Variants in ADAMTS16 observed in about 807,000 individuals in gnomAD.
ADAMTS16 encodes A disintegrin and metalloproteinase with thrombospondin motifs 16.
ADAMTS16 carries 94 observed loss-of-function variants against 145.8 expected under a neutral mutation model. The observed-to-expected ratio is 0.64, with a 90% CI of 0.55 to 0.77. The LOEUF is 0.77. Ranked by LOEUF, ADAMTS16 falls within the 30% of genes least tolerant of loss-of-function variation. The pLI, the probability that ADAMTS16 is intolerant of heterozygous loss-of-function variation, is 0.00. For missense variants in ADAMTS16, 1,585 were observed against 1,591.5 expected, an observed-to-expected ratio of 1.00 and a Z score of 0.07; for synonymous variants, 659 against 604.3, an observed-to-expected ratio of 1.09 and a Z score of -1.33.
intron 21 of ADAMTS16, among the ~76,000 whole-genome samples, chr5:5,309,827 C>CGTGTGTGTGTGTGTGTGTGT (rs35723690): frequency 2.7e-5 from 4 of 146,980 alleles, no homozygotes; most frequent in South Asian, 2.3e-4. Flanking sequence ...GTCATGTCCT[C>CGTGTGTGTGTGTGTGTGTGT]GTGTGTGTGT....
chr5:5,259,192 A>G (rs1044207148), intron 17 of ADAMTS16, among the ~76,000 whole-genome samples: 3 of 152,190 alleles, frequency 2.0e-5, no homozygotes, highest in Non-Finnish European at 1.5e-5. Context: ...GTTATCGTGC[A>G]CAGCTACTGT....
chr5:5,176,574 C>A (rs1417459659), intron 3 of ADAMTS16, among the ~76,000 whole-genome samples: 1 of 152,018 alleles, frequency 6.6e-6, no homozygotes, highest in East Asian at 1.9e-4. Context: ...CAGTGTTGTA[C>A]CCTTGAGGCT....
At chr5:5,223,414 T>C (rs61259299) in intron 11 of ADAMTS16, 29,999 of 154,932 alleles carry the variant, frequency 0.19, 3,401 homozygotes, top group East Asian at 0.51. Context: ...TGCATGTTGT[T>C]ACTTATAAGC....
In ADAMTS16 at chr5:5,159,092, A is replaced by G. The variant is rs534516392; in HGVS notation, c.501+12637A>G. On this transcript the variant is annotated intron_variant, in intron 3 of 22. Transcript: ENST00000274181. ...AACCAGATAATAATCAATGTCTTTT[A>G]TCAAAATCCAGAACCAAGTGAGTCA... Among the ~76,000 whole-genome samples, 4 of 152,378 alleles carry G rather than the reference A, an allele frequency of 2.6e-5. No individual in the cohort carries two copies. In the South Asian group the frequency reaches 8.3e-4, roughly 32 times the overall value.
At chr5:5,226,840 C>G (rs1736779454) in intron 11 of ADAMTS16, among the ~76,000 whole-genome samples, 1 of 152,152 alleles carries the variant, frequency 6.6e-6, no homozygotes, top group Admixed American at 6.5e-5. Context: ...TAGTGCAGTC[C>G]CCATTGGACA....
At chr5:5,156,080 CT>C (rs141511415) in intron 3 of ADAMTS16, among the ~76,000 whole-genome samples, 1,997 of 152,280 alleles carry the variant, frequency 0.013, 35 homozygotes, top group African/African-American at 0.046. Flanking sequence ...GTTCTTCCAC[CT>C]TCCTTAGACT....
At chr5:5,196,736 G>A (rs1285102941) in intron 8 of ADAMTS16, among the ~76,000 whole-genome samples, 2 of 152,172 alleles carry the variant, frequency 1.3e-5, no homozygotes, top group Non-Finnish European at 2.9e-5. Flanking sequence ...ATCCTGGAAG[G>A]GAATAGAAGT....
chr5:5,215,046 T>C lies in ADAMTS16; in HGVS notation c.1605+5800T>C, dbSNP rs116305657. Reference sequence around the variant, plus strand: ...CTCAGAAATATGCTAATCTAGATGATGGATGGATGATATTTTAGGAAGGGA... The same window carrying C: ...CTCAGAAATATGCTAATCTAGATGACGGATGGATGATATTTTAGGAAGGGA... On this transcript the variant is annotated intron_variant, in intron 10 of 22. Transcript: ENST00000274181. Among the ~76,000 whole-genome samples, 1,175 of 152,288 alleles carry C rather than the reference T, an allele frequency of 7.7e-3. 18 individuals carry two copies. Among genetic ancestry groups the C allele is most frequent in the African/African-American group, 0.026 (1,076 of 41,570 alleles).
intron 18 of ADAMTS16, among the ~76,000 whole-genome samples, chr5:5,295,902 T>C (rs1353464797): frequency 6.6e-6 from 1 of 152,236 alleles, no homozygotes; most frequent in Non-Finnish European, 1.5e-5. Flanking sequence ...TGAACAGTTA[T>C]CAGTACATCC....
chr5:5,200,629 A>G (rs1332574596), intron 9 of ADAMTS16, among the ~76,000 whole-genome samples: 1 of 152,188 alleles, frequency 6.6e-6, no homozygotes, highest in Non-Finnish European at 1.5e-5. Context: ...CTGTATACAC[A>G]ATAATAAAGC....
chr5:5,306,035 C>A (rs1250015642), intron 20 of ADAMTS16, among the ~76,000 whole-genome samples: 1 of 152,202 alleles, frequency 6.6e-6, no homozygotes, highest in African/African-American at 2.4e-5. Context: ...CGCACGCTTC[C>A]TTTCCTCGCA....
At chr5:5,233,434 G>T (rs1319960695) in intron 12 of ADAMTS16, among the ~76,000 whole-genome samples, 1 of 152,010 alleles carries the variant, frequency 6.6e-6, no homozygotes, top group Non-Finnish European at 1.5e-5. Flanking sequence ...TTATTTCATC[G>T]CCCAGGTATT....
intron 4 of ADAMTS16, among the ~76,000 whole-genome samples, chr5:5,184,562 G>A (rs990234621): frequency 6.6e-6 from 1 of 152,084 alleles, no homozygotes; most frequent in Non-Finnish European, 1.5e-5. Flanking sequence ...AGCCTTTTCT[G>A]TGTTCACTTA....
chr5:5,209,331 T>C, intron 10 of ADAMTS16, 85 bp downstream of exon 10: 1 of 1,499,610 alleles, frequency 6.7e-7, no homozygotes, highest in Non-Finnish European at 9.1e-7. Context: ...ATATTCTGCA[T>C]TTATTGGGTA....
At chr5:5,225,331 G>T (rs1207908224) in intron 11 of ADAMTS16, among the ~76,000 whole-genome samples, 1 of 152,208 alleles carries the variant, frequency 6.6e-6, no homozygotes, top group Non-Finnish European at 1.5e-5. Flanking sequence ...ACCGGGCGCA[G>T]TGGCTCACGA....
intron 13 of ADAMTS16, among the ~76,000 whole-genome samples, chr5:5,235,610 T>G (rs2126377436): frequency 6.6e-6 from 1 of 152,344 alleles, no homozygotes; most frequent in African/African-American, 2.4e-5. Flanking sequence ...AATGGAACAA[T>G]TTTGAAGCAT....
intron 9 of ADAMTS16, among the ~76,000 whole-genome samples, chr5:5,200,781 G>C (rs1212316078): frequency 2.7e-5 from 4 of 150,614 alleles, no homozygotes; most frequent in East Asian, 2.0e-4. Context: ...AGAAACTTGA[G>C]TATATAAACT....
chr5:5,306,468 T>G, intron 20 of ADAMTS16, 36 bp from the exon 21 acceptor site: 1 of 1,576,304 alleles, frequency 6.3e-7, no homozygotes, highest in Non-Finnish European at 8.6e-7. Flanking sequence ...AAAAAGAGAT[T>G]TTTTTCACTG....
intron 2 of ADAMTS16, among the ~76,000 whole-genome samples, chr5:5,145,292 C>T (rs559517585): frequency 9.8e-5 from 15 of 152,286 alleles, no homozygotes; most frequent in Non-Finnish European, 1.6e-4. Flanking sequence ...TTGCAATACT[C>T]AAAGCTCATC....
Sources: allele counts gnomAD v4.1 joint callset (sites outside exome capture counted in the v4.1 genomes callset), GRCh38; gene constraint gnomAD v4.1.1; transcripts MANE v1.5; gene names NCBI Gene and HGNC (gene_info 2026-07-23, HGNC 2026-07-21).